Variants in PARP6 observed in about 807,000 individuals in gnomAD.
PARP6 encodes the protein protein mono-ADP-ribosyltransferase PARP6.
A neutral mutation model predicts 92.0 loss-of-function variants in PARP6; 27 were observed. That is an observed-to-expected ratio of 0.29 (90% confidence interval 0.22 to 0.40). PARP6 has a LOEUF of 0.40. Ranked by LOEUF, PARP6 falls within the 10% of genes least tolerant of loss-of-function variation. The pLI, the probability that PARP6 is intolerant of heterozygous loss-of-function variation, is 1.00. For missense variants in PARP6, 501 were observed against 784.5 expected (o/e 0.64, Z 4.32); for synonymous variants, 272 against 281.2 (o/e 0.97, Z 0.33).
intron 10 of PARP6, 74 bp downstream of exon 10, chr15:72,260,404 T>C (rs1249797417): frequency 5.6e-6 from 7 of 1,246,296 alleles, no homozygotes; most frequent in Non-Finnish European, 8.1e-6. Context: ...CCACCCCATT[T>C]TGAGAAACTA....
At chr15:72,271,911 A>G (rs1380222525) in intron 1 of PARP6, among the ~76,000 whole-genome samples, 1 of 152,218 alleles carries the variant, frequency 6.6e-6, no homozygotes, top group Non-Finnish European at 1.5e-5. Flanking sequence ...GTCTTTCCCT[A>G]GGTCCATGGG....
chr15:72,269,384 C>T (rs2087057047), intron 2 of PARP6, among the ~76,000 whole-genome samples: 2 of 151,830 alleles, frequency 1.3e-5, no homozygotes, highest in Admixed American at 1.3e-4. Context: ...TGGTCTCGAA[C>T]TCCTGACCTC....
chr15:72,261,643 G>C lies in PARP6; in HGVS notation c.460C>G (p.Gln154Glu), dbSNP rs954366763. The change falls in exon 9 of 24, where the codon CAG becomes GAG. Residue 154 changes from glutamine to glutamate, a missense_variant. Around this residue, in one of 4 missense-constraint regions of PARP6, gnomAD observed 291 missense variants for 352.0 expected, o/e 0.83. Transcript: ENST00000569795. ...HLSNDFLKTQ[Q>E]EKRHSWFKAS... ...TTGAACCAACTGTGCCTCTTCTCCT[G>C]CTGGGTCTTCAAGAAATCATTGCTC... is the stretch of plus-strand genomic sequence containing the variant. 1.9e-6 allele frequency: 3 copies of C among 1,613,902 alleles called. No individual in the cohort carries two copies. Among genetic ancestry groups the C allele is most frequent in the Admixed American group, 1.7e-5 (1 of 60,022 alleles).
At chr15:72,251,501 G>GAA (rs34379650) in intron 16 of PARP6, 2 of 222,752 alleles carry the variant, frequency 9.0e-6, no homozygotes, top group African/African-American at 2.4e-5. Context: ...AACAATGGAT[G>GAA]AAAAAAAAAA....
intron 16 of PARP6, among the ~76,000 whole-genome samples, chr15:72,251,732 G>A (rs1443204392): frequency 6.6e-6 from 1 of 152,210 alleles, no homozygotes; most frequent in African/African-American, 2.4e-5. Context: ...GGAATGGGGA[G>A]AAACGGAGAG....
chr15:72,267,524 C>G lies in PARP6; in HGVS notation c.-47G>C. Reference sequence around the variant, plus strand: ...CTCTCAGGTCAGTGCTAGGCAGCACCCCTCCATACCACTAGCCGAACCAAG... The same window carrying G: ...CTCTCAGGTCAGTGCTAGGCAGCACGCCTCCATACCACTAGCCGAACCAAG... On this transcript the variant is annotated 5_prime_UTR_variant, in exon 3 of 24. Coordinates refer to ENST00000569795, the MANE Select transcript of PARP6 (RefSeq NM_001323532.2). 1.9e-6 allele frequency: 3 copies of G among 1,612,150 alleles called. No individual in the cohort carries two copies. The highest frequency in any genetic ancestry group is 2.5e-6 in the Non-Finnish European group (3 of 1,178,364).
chr15:72,249,375 G>A, intron 19 of PARP6, 61 bp from the exon 20 acceptor site: 2 of 955,056 alleles, frequency 2.1e-6, no homozygotes, highest in African/African-American at 1.6e-5. Context: ...CTATTTATTA[G>A]GCAGCAGCAA....
chr15:72,247,306 T>C lies in PARP6; in HGVS notation c.1561+1939A>G, dbSNP rs545761912. Reference sequence around the variant, plus strand: ...TTCCTGCCTCAGCCTCCTGACCAGCTAGGACTTACAGGCACGCACTGCCAG... The same window carrying C: ...TTCCTGCCTCAGCCTCCTGACCAGCCAGGACTTACAGGCACGCACTGCCAG... On this transcript the variant is annotated intron_variant, in intron 20 of 23. Coordinates refer to ENST00000569795, the MANE Select transcript of PARP6 (RefSeq NM_001323532.2). 9.4e-4 allele frequency among the ~76,000 whole-genome samples: 143 copies of C among 152,220 alleles called. 2 individuals carry two copies. Among genetic ancestry groups the C allele is most frequent in the South Asian group, 7.5e-3 (36 of 4,816 alleles).
Position 72,241,590 on chromosome 15 carries a change from G to C in PARP6, c.1791-33C>G, listed in dbSNP as rs756652888. 2 of 1,470,548 alleles carry C rather than the reference G, an allele frequency of 1.4e-6. No homozygotes were observed. The highest frequency in any genetic ancestry group is 1.9e-6 in the Non-Finnish European group (2 of 1,048,996). The allele number at this position is 1,470,548 out of a possible 1,614,324, so 91.1% of individuals were successfully genotyped here. ...AGATAGGGCAAGTGTGAGCATAAGAGGGAGAACAATACCAGAATAACATCA... is the reference window on the plus strand; with the variant it reads ...AGATAGGGCAAGTGTGAGCATAAGACGGAGAACAATACCAGAATAACATCA... On this transcript the variant is annotated intron_variant, in intron 23 of 23. Coordinates refer to ENST00000569795, the MANE Select transcript of PARP6 (RefSeq NM_001323532.2). The surrounding 1 kb of genome is among the most constrained non-coding windows in gnomAD (Gnocchi z 4.1).
intron 11 of PARP6, 94 bp downstream of exon 11, chr15:72,259,514 G>C (rs1274766883): frequency 1.0e-6 from 1 of 967,814 alleles, no homozygotes; most frequent in African/African-American, 1.6e-5. Flanking sequence ...AAGCAATTCA[G>C]AAAGTATTTG....
At chr15:72,268,210 A>T (rs1233990870) in intron 2 of PARP6, among the ~76,000 whole-genome samples, 2 of 152,216 alleles carry the variant, frequency 1.3e-5, no homozygotes, top group African/African-American at 4.8e-5. Flanking sequence ...GAGAGCTGGG[A>T]TTAGAGCAAG....
At chr15:72,267,280 C>T in intron 3 of PARP6, 195 bp downstream of exon 3, 2 of 626,112 alleles carry the variant, frequency 3.2e-6, no homozygotes, top group Middle Eastern at 3.1e-4. Context: ...CTCTCCTCTC[C>T]CTCCCCAAGA....
At chr15:72,260,905 T>C (rs144901988) in intron 9 of PARP6, among the ~76,000 whole-genome samples, 1 of 152,310 alleles carries the variant, frequency 6.6e-6, no homozygotes, top group African/African-American at 2.4e-5. Context: ...GTTCTTCACA[T>C]TGGGACACTG....
At chr15:72,264,727 G>T in intron 7 of PARP6, 106 bp from the exon 8 acceptor site, 1 of 855,894 alleles carries the variant, frequency 1.2e-6, no homozygotes, top group Non-Finnish European at 1.9e-6. Flanking sequence ...ATAGCTGCTG[G>T]GTACTCTAAA....
intron 4 of PARP6, among the ~76,000 whole-genome samples, chr15:72,266,527 T>G (rs1308466050): frequency 2.0e-5 from 3 of 152,102 alleles, no homozygotes; most frequent in Admixed American, 2.0e-4. Flanking sequence ...ATATGGGTAG[T>G]CTCCACATAC....
chr15:72,246,505 T>C (rs1175038956), intron 20 of PARP6, among the ~76,000 whole-genome samples: 3 of 152,200 alleles, frequency 2.0e-5, no homozygotes, highest in Non-Finnish European at 4.4e-5. Flanking sequence ...AAGAACTAAA[T>C]TCTAAACCTA....
chr15:72,243,767 G>A (rs567722400), intron 20 of PARP6: 6 of 152,316 alleles, frequency 3.9e-5, no homozygotes, highest in East Asian at 1.9e-4. Flanking sequence ...GTGGACACAC[G>A]TGCCTGTGTG....
At position 72,260,469 on chromosome 15, in the gene PARP6, C is replaced by G; in HGVS notation, c.756+9G>C. On this transcript the variant is annotated intron_variant, in intron 10 of 23. Coordinates refer to ENST00000569795, the MANE Select transcript of PARP6 (RefSeq NM_001323532.2). ...GATAGCCAAGTCAAACCCTCCCCAGCCCATGTACCAAAGGAGAGGTCCGTG... is the reference window on the plus strand; with the variant it reads ...GATAGCCAAGTCAAACCCTCCCCAGGCCATGTACCAAAGGAGAGGTCCGTG... 6.2e-7 allele frequency: 1 copy of G among 1,609,480 alleles called. No homozygotes were observed. Among genetic ancestry groups the G allele is most frequent in the South Asian group, 1.1e-5 (1 of 90,950 alleles).
intron 2 of PARP6, 101 bp downstream of exon 2, chr15:72,270,922 T>C (rs1168083831): frequency 1.3e-5 from 2 of 152,246 alleles, no homozygotes; most frequent in Non-Finnish European, 2.9e-5. Flanking sequence ...AACCCTCTGC[T>C]GGATACTTAA....
Sources: gnomAD v4.1 joint callset for allele counts (sites outside exome capture counted in the v4.1 genomes callset) on GRCh38, gnomAD v4.1.1 for gene constraint, gnomAD v4.1.1 regional missense constraint, Gnocchi (gnomAD v3.1) non-coding constraint, MANE v1.5 for transcripts, NCBI Gene and HGNC (gene_info 2026-07-23, HGNC 2026-07-21) for gene names.